The following MILR1 variants were observed in gnomAD, a reference collection of about 807,000 sequenced individuals.
The protein encoded by MILR1 is allergin-1.
Under a neutral mutation model 18.5 loss-of-function variants are expected in MILR1, and 31 were observed. The observed-to-expected ratio is 1.68, with a 90% CI of 1.26 to 2.26. The LOEUF (loss-of-function observed/expected upper bound fraction) is 2.26. MILR1 is among the 30% of genes most tolerant of loss of function. The pLI, the probability that MILR1 is intolerant of heterozygous loss-of-function variation, is 0.00. For missense variants in MILR1, 257 were observed against 157.4 expected, an observed-to-expected ratio of 1.63 and a Z score of -3.38; for synonymous variants, 85 against 56.2, an observed-to-expected ratio of 1.51 and a Z score of -2.30.
the MILR1 span, among the ~76,000 whole-genome samples, chr17:64,482,174 G>A: frequency 0.044 from 6,354 of 145,190 alleles, 185 homozygotes; most frequent in African/African-American, 0.092. Flanking sequence ...TGCGATCTCG[G>A]CTCACTGCAA....
the MILR1 span, among the ~76,000 whole-genome samples, chr17:64,473,865 T>G: frequency 6.6e-6 from 1 of 152,090 alleles, no homozygotes. Flanking sequence ...CTTTAAGGGG[T>G]GATGAAAATT....
the MILR1 span, chr17:64,496,287 G>A: frequency 1.5e-6 from 1 of 687,432 alleles, no homozygotes. Flanking sequence ...TCAAAAAGAT[G>A]AGAACTAACT....
At chr17:64,491,626 A>G in the MILR1 span, 29 of 1,515,932 alleles carry the variant, frequency 1.9e-5, no homozygotes, top group Non-Finnish European at 2.6e-5. Flanking sequence ...AGTGGCCTTG[A>G]TGGAGCGTTT....
the MILR1 span, chr17:64,478,123 C>A: frequency 1.2e-6 from 1 of 812,196 alleles, no homozygotes; most frequent in Non-Finnish European, 2.0e-6. Flanking sequence ...ACCAAAAAAA[C>A]CCAACATTTT....
chr17:64,497,188 C>A, the MILR1 span, among the ~76,000 whole-genome samples: 1 of 152,242 alleles, frequency 6.6e-6, no homozygotes, highest in African/African-American at 2.4e-5. Context: ...TCTCTGCTAG[C>A]TTGCCGTTCG....
downstream of MILR1, among the ~76,000 whole-genome samples, chr17:64,473,412 AGG>A (rs1318700318): frequency 6.6e-6 from 1 of 151,854 alleles, no homozygotes; most frequent in Non-Finnish European, 1.5e-5. Flanking sequence ...AAGGATTTAA[AGG>A]GGAGACCTGG....
At chr17:64,464,255 C>A (rs2037498190) in intron 5 of MILR1, among the ~76,000 whole-genome samples, 3 of 150,206 alleles carry the variant, frequency 2.0e-5, no homozygotes, top group African/African-American at 7.4e-5. Context: ...TAGTTGGGAC[C>A]ACAGGCGCGC....
chr17:64,459,002 G>A (rs1429375635), intron 4 of MILR1, among the ~76,000 whole-genome samples: 2 of 152,178 alleles, frequency 1.3e-5, no homozygotes, highest in Non-Finnish European at 2.9e-5. Context: ...GGTCGGGAGC[G>A]GGGCAGCCCG....
intron 3 of MILR1, among the ~76,000 whole-genome samples, chr17:64,456,298 C>G (rs1258074400): frequency 6.6e-6 from 1 of 151,280 alleles, no homozygotes. Context: ...TCCTATAATA[C>G]TGTCTTATTA....
the MILR1 span, among the ~76,000 whole-genome samples, chr17:64,475,186 G>GAAA: frequency 1.4e-4 from 14 of 101,584 alleles, no homozygotes; most frequent in Admixed American, 9.4e-4. Context: ...ACTGTCTCAA[G>GAAA]AAAAAAAAAA....
chr17:64,453,699 C>T (rs1424745844), intron 3 of MILR1, among the ~76,000 whole-genome samples: 3 of 151,896 alleles, frequency 2.0e-5, no homozygotes, highest in African/African-American at 7.3e-5. Flanking sequence ...TCCCATTTTC[C>T]TACCCCAAGC....
chr17:64,495,688 A>G, the MILR1 span, among the ~76,000 whole-genome samples: 1 of 152,160 alleles, frequency 6.6e-6, no homozygotes, highest in Non-Finnish European at 1.5e-5. Context: ...CTTGGTTCCT[A>G]ATAACAACTA....
chr17:64,474,848 C>G, the MILR1 span, among the ~76,000 whole-genome samples: 3 of 152,088 alleles, frequency 2.0e-5, no homozygotes, highest in Non-Finnish European at 2.9e-5. Context: ...TATACAATCT[C>G]TACAGTAGTT....
rs2037205007 is a variant in MILR1, at chr17:64,452,850, C to T, written c.351C>T (p.Phe117=). Reference sequence around the variant, plus strand: ...GCTGTTCAAAATACAGTCGTGACTTCAGCTTCACGATTGTCGGTAAGTAGA... The same window carrying T: ...GCTGTTCAAAATACAGTCGTGACTTTAGCTTCACGATTGTCGGTAAGTAGA... ...VTSCSKYSRD[F]SFTIVDPVTS... The change falls in exon 3 of 10, where the codon TTC becomes TTT. Residue 117 remains phenylalanine, a synonymous_variant. Transcript: ENST00000619286. 2.1e-6 allele frequency: 1 copy of T among 475,184 alleles called. No homozygotes were observed. Among genetic ancestry groups the T allele is most frequent in the Admixed American group, 3.2e-5 (1 of 31,710 alleles). The allele number at this position is 475,184 out of a possible 1,614,324, so 29.4% of individuals were successfully genotyped here.
chr17:64,451,087 C>T (rs921423286), intron 2 of MILR1, among the ~76,000 whole-genome samples: 65 of 152,184 alleles, frequency 4.3e-4, no homozygotes, highest in African/African-American at 1.5e-3. Flanking sequence ...TTTCCCCACC[C>T]ACTCCCCAGT....
rs2037416715 is a variant in MILR1, at chr17:64,460,913, A to G, written c.744A>G (p.Val248=). Residue 248 remains valine, a synonymous_variant, in exon 5 of 10, where the codon GTA becomes GTG. Transcript: ENST00000619286. ...TAATCCTAATTCTGGCTTTTTGGGTACTGCCCAAATACAAAACAAGTAAGT... is the reference window on the plus strand; with the variant it reads ...TAATCCTAATTCTGGCTTTTTGGGTGCTGCCCAAATACAAAACAAGTAAGT... ...VVIILILAFW[V]LPKYKTRKAM... The G allele has an allele frequency of 2.1e-6, 1 of 474,852 alleles. No individual in the cohort carries two copies. Among genetic ancestry groups the G allele is most frequent in the South Asian group, 6.7e-5 (1 of 14,878 alleles). 29.4% of individuals were successfully genotyped at this position (474,852 alleles called of 1,614,324 possible).
At chr17:64,477,063 GT>G in the MILR1 span, among the ~76,000 whole-genome samples, 5 of 152,090 alleles carry the variant, frequency 3.3e-5, no homozygotes, top group Admixed American at 3.3e-4. Context: ...ATATATTTTA[GT>G]TGCTTTTCAA....
At chr17:64,454,843 A>AATATATATATGTATGT (rs1555661297) in intron 3 of MILR1, among the ~76,000 whole-genome samples, 2 of 152,010 alleles carry the variant, frequency 1.3e-5, no homozygotes, top group Non-Finnish European at 2.9e-5. Context: ...AAAGTTAAAA[A>AATATATATATGTATGT]ATATATATAT....
chr17:64,474,561 T>A, the MILR1 span, among the ~76,000 whole-genome samples: 1 of 151,900 alleles, frequency 6.6e-6, no homozygotes, highest in African/African-American at 2.4e-5. Flanking sequence ...CTTTTTTTTT[T>A]AGAGATGTGG....
Sources: gnomAD v4.1 joint callset for allele counts (sites outside exome capture counted in the v4.1 genomes callset) on GRCh38, gnomAD v4.1.1 for gene constraint, MANE v1.5 for transcripts, NCBI Gene and HGNC (gene_info 2026-07-23, HGNC 2026-07-21) for gene names.